The following B3GALT1 variants were observed in gnomAD, a reference collection of about 807,000 sequenced individuals.
B3GALT1 encodes beta-1,3-galactosyltransferase 1, also known as UDP-Gal:betaGlcNAc beta 1,3-galactosyltransferase, polypeptide 1.
B3GALT1 carries 10 observed loss-of-function variants against 23.2 expected under a neutral mutation model. The observed-to-expected ratio is 0.43, with a 90% CI of 0.27 to 0.73. B3GALT1 has a LOEUF of 0.73. Among genes scored for constraint, B3GALT1 ranks in the 30% least tolerant of loss-of-function variants. B3GALT1 has a pLI of 0.21. For synonymous variants in B3GALT1, 156 were observed against 141.5 expected (o/e 1.10, Z -0.73); for missense variants, 299 against 405.4 (o/e 0.74, Z 2.25).
In B3GALT1 at chr2:167,769,010, G is replaced by A. The variant is rs115638371; in HGVS notation, c.-351-49662G>A. Among the ~76,000 whole-genome samples, 908 of 152,218 alleles carry A rather than the reference G, an allele frequency of 6.0e-3. 6 individuals carry two copies. The highest frequency in any genetic ancestry group is 0.021 in the African/African-American group (859 of 41,526). Reference sequence around the variant, plus strand: ...TAATATCCTTCCAGAATTACTTAATGTTCTCACCTTTAAAGGACTAACATA... The same window carrying A: ...TAATATCCTTCCAGAATTACTTAATATTCTCACCTTTAAAGGACTAACATA... On this transcript the variant is annotated intron_variant, in intron 3 of 4. Coordinates refer to ENST00000392690, the MANE Select transcript of B3GALT1 (RefSeq NM_020981.4).
chr2:167,360,936 C>T (rs1697490236), intron 1 of B3GALT1, among the ~76,000 whole-genome samples: 1 of 152,244 alleles, frequency 6.6e-6, no homozygotes, highest in African/African-American at 2.4e-5. Flanking sequence ...TTAGCTCCCA[C>T]ATGAATGAGA....
chr2:167,330,027 C>T (rs1415920734), intron 1 of B3GALT1, among the ~76,000 whole-genome samples: 1 of 152,116 alleles, frequency 6.6e-6, no homozygotes, highest in Non-Finnish European at 1.5e-5. Flanking sequence ...TGTTTGGACA[C>T]ATCTGTGCCT....
chr2:167,508,863 G>A (rs550629886), intron 2 of B3GALT1, among the ~76,000 whole-genome samples: 19 of 152,066 alleles, frequency 1.2e-4, no homozygotes, highest in Admixed American at 5.9e-4. Context: ...TAAATTCAAA[G>A]GTACATGACA....
At chr2:167,682,939 G>T (rs1686558039) in intron 3 of B3GALT1, among the ~76,000 whole-genome samples, 1 of 152,190 alleles carries the variant, frequency 6.6e-6, no homozygotes, top group Non-Finnish European at 1.5e-5. Flanking sequence ...TGCATCAATT[G>T]TTCAAGACTG....
chr2:167,707,499 T>G (rs72876818), intron 3 of B3GALT1, among the ~76,000 whole-genome samples: 1 of 76,832 alleles, frequency 1.3e-5, no homozygotes, highest in Non-Finnish European at 3.1e-5. Flanking sequence ...GAAGAATTTA[T>G]TTTTCTTATT....
chr2:167,693,201 T>C (rs1489730906), intron 3 of B3GALT1, among the ~76,000 whole-genome samples: 1 of 151,956 alleles, frequency 6.6e-6, no homozygotes, highest in Non-Finnish European at 1.5e-5. Context: ...AATTTCAGTA[T>C]TTCAAGAGGC....
chr2:167,487,162 A>C (rs1234005089), intron 1 of B3GALT1, among the ~76,000 whole-genome samples: 2 of 152,182 alleles, frequency 1.3e-5, no homozygotes. Flanking sequence ...TGAGGGTGTA[A>C]AGTGGCTCAT....
intron 4 of B3GALT1, among the ~76,000 whole-genome samples, chr2:167,849,177 T>G (rs1689820897): frequency 6.6e-6 from 1 of 152,224 alleles, no homozygotes; most frequent in African/African-American, 2.4e-5. Context: ...ACAAATTCAA[T>G]AGAATCCCCA....
intron 1 of B3GALT1, among the ~76,000 whole-genome samples, chr2:167,368,303 T>C (rs528382091): frequency 2.0e-5 from 3 of 152,312 alleles, no homozygotes; most frequent in Admixed American, 6.5e-5. Flanking sequence ...TACATAACAA[T>C]GTAAGAGATG....
At chr2:167,437,048 C>T (rs1452943115) in intron 1 of B3GALT1, among the ~76,000 whole-genome samples, 1 of 152,124 alleles carries the variant, frequency 6.6e-6, no homozygotes, top group Non-Finnish European at 1.5e-5. Context: ...GGAAGTGTAT[C>T]CCCAAGCTCC....
chr2:167,774,738 C>T (rs1373832240), intron 3 of B3GALT1, among the ~76,000 whole-genome samples: 3 of 151,958 alleles, frequency 2.0e-5, no homozygotes, highest in Admixed American at 6.6e-5. Flanking sequence ...CCTCATGATC[C>T]ACCCGCCTCA....
chr2:167,730,138 A>G lies in B3GALT1; in HGVS notation c.-352+83172A>G, dbSNP rs75879805. Among the ~76,000 whole-genome samples the G allele has an allele frequency of 6.0e-3, 917 of 152,278 alleles. 4 individuals are homozygous for G. The highest frequency in any genetic ancestry group is 0.01 in the Middle Eastern group (3 of 294). ...ACTGCACAACATTGTAAATGGTCCA[A>G]TCTATTTTCTGGCTTACTATATCCG... On this transcript the variant is annotated intron_variant, in intron 3 of 4. Coordinates refer to ENST00000392690, the MANE Select transcript of B3GALT1 (RefSeq NM_020981.4).
At chr2:167,681,963 T>A (rs900363950) in intron 3 of B3GALT1, among the ~76,000 whole-genome samples, 1 of 152,250 alleles carries the variant, frequency 6.6e-6, no homozygotes, top group Non-Finnish European at 1.5e-5. Context: ...TCATATTAAA[T>A]CAGTTCCATA....
chr2:167,586,183 G>C (rs1046590084), intron 2 of B3GALT1, among the ~76,000 whole-genome samples: 8 of 152,162 alleles, frequency 5.3e-5, no homozygotes, highest in Non-Finnish European at 1.0e-4. Context: ...CAATTTATAA[G>C]AGACTCTTTG....
chr2:167,490,058 T>C (rs564570624), intron 1 of B3GALT1, 119 bp from the exon 2 acceptor site: 2 of 152,308 alleles, frequency 1.3e-5, no homozygotes, highest in African/African-American at 4.8e-5. Flanking sequence ...AATAATTTGA[T>C]GTAAGATATG....
chr2:167,598,493 A>C (rs1303922297), intron 2 of B3GALT1, among the ~76,000 whole-genome samples: 1 of 152,196 alleles, frequency 6.6e-6, no homozygotes, highest in African/African-American at 2.4e-5. Flanking sequence ...TTGTCGCTGT[A>C]GAAAAGTACT....
At chr2:167,583,389 G>A (rs9789488) in intron 2 of B3GALT1, among the ~76,000 whole-genome samples, 36,191 of 151,938 alleles carry the variant, frequency 0.24, 4,729 homozygotes, top group African/African-American at 0.34. Flanking sequence ...TTGTTCATAC[G>A]TTAAAGAAAT....
At chr2:167,516,347 T>C (rs1031138125) in intron 2 of B3GALT1, among the ~76,000 whole-genome samples, 2 of 152,160 alleles carry the variant, frequency 1.3e-5, no homozygotes, top group African/African-American at 4.8e-5. Context: ...CTCTAAAATA[T>C]AAACCTGAGT....
At chr2:167,645,988 T>G (rs547990251) in intron 2 of B3GALT1, among the ~76,000 whole-genome samples, 1 of 152,286 alleles carries the variant, frequency 6.6e-6, no homozygotes, top group South Asian at 2.1e-4. Flanking sequence ...CAGAAGTGAC[T>G]TCTGAGTAAA....
Sources: allele counts gnomAD v4.1 joint callset (sites outside exome capture counted in the v4.1 genomes callset), GRCh38; gene constraint gnomAD v4.1.1; transcripts MANE v1.5; gene names NCBI Gene and HGNC (gene_info 2026-07-23, HGNC 2026-07-21).